Variants in ANK1 observed in about 807,000 individuals in gnomAD.
ANK1 encodes ankyrin-1.
ANK1 carries 51 observed loss-of-function variants against 210.4 expected under a neutral mutation model. The ratio of observed to expected loss-of-function variants is 0.24; its 90% confidence interval spans 0.19 to 0.31. The LOEUF (loss-of-function observed/expected upper bound fraction) is 0.31, where lower values mean the gene tolerates loss of function less well. Among genes scored for constraint, ANK1 ranks in the 10% least tolerant of loss-of-function variants. The pLI is 1.00. For synonymous variants in ANK1, 967 were observed against 1,025.9 expected, an observed-to-expected ratio of 0.94 and a Z score of 1.10; for missense variants, 2,051 against 2,504.4, an observed-to-expected ratio of 0.82 and a Z score of 3.86.
intron 37 of ANK1, among the ~76,000 whole-genome samples, chr8:41,673,199 T>C (rs1209977906): frequency 6.6e-6 from 1 of 152,168 alleles, no homozygotes; most frequent in East Asian, 1.9e-4. Context: ...AAGAGGAGAT[T>C]GGACTTTCTT....
intron 1 of ANK1, among the ~76,000 whole-genome samples, chr8:41,851,479 T>G (rs1811231094): frequency 2.0e-5 from 3 of 152,274 alleles, no homozygotes. Context: ...GACTGCTTCC[T>G]GCCCTTCCTG....
chr8:41,752,786 G>A (rs1011553095), intron 2 of ANK1, among the ~76,000 whole-genome samples: 1 of 106,082 alleles, frequency 9.4e-6, no homozygotes, highest in African/African-American at 3.2e-5. Flanking sequence ...CTGCGCTGCT[G>A]GGCACACACA....
chr8:41,746,318 T>C (rs1836123447), intron 2 of ANK1, among the ~76,000 whole-genome samples: 1 of 152,128 alleles, frequency 6.6e-6, no homozygotes, highest in South Asian at 2.1e-4. Context: ...GTAACCCTAG[T>C]GGAAAATCAC....
intron 2 of ANK1, among the ~76,000 whole-genome samples, chr8:41,740,721 T>C (rs1188780563): frequency 1.3e-5 from 2 of 152,224 alleles, no homozygotes; most frequent in African/African-American, 2.4e-5. Flanking sequence ...CAAATTAAGG[T>C]TCCTGAGTTG....
At position 41,875,709 on chromosome 8, in the gene ANK1, TAGA is replaced by T. The variant is rs144705851; in HGVS notation, c.126+20643_126+20645del. On this transcript the variant is annotated intron_variant, in intron 1 of 42. Coordinates refer to the ANK1 transcript ENST00000265709. ...AGCTGGGAAGCCTCCTTGCTGCTCG[TAGA>T]AGAACACGCTTTGCAGGGGGAGGAC... 8.6e-3 allele frequency among the ~76,000 whole-genome samples: 1,308 copies of T among 152,298 alleles called. 23 individuals are homozygous for T. The highest frequency in any genetic ancestry group is 0.028 in the African/African-American group (1,159 of 41,560).
chr8:41,704,428 G>C lies in ANK1; in HGVS notation c.2142C>G (p.Ile714Met). Reference sequence around the variant, plus strand: ...GCTGCAGCAGAAACTTCACCAGCTTGATGTTTCCATAGTGACTGGCCACAT... The same window carrying C: ...GCTGCAGCAGAAACTTCACCAGCTTCATGTTTCCATAGTGACTGGCCACAT... Reference protein sequence around the residue: ...PLHVASHYGNIKLVKFLLQHQ... With the variant: ...PLHVASHYGNMKLVKFLLQHQ... The change falls in exon 19 of 43, where the codon ATC (isoleucine) becomes ATG (methionine). Residue 714 changes from isoleucine to methionine, a missense_variant. Ile to Met is a conservative substitution (Grantham distance 10, BLOSUM62 1). Transcript: ENST00000289734. The surrounding 1 kb of genome is among the most constrained non-coding windows in gnomAD (Gnocchi z 4.1). 1 of 1,614,184 alleles carries C rather than the reference G, an allele frequency of 6.2e-7. No homozygotes were observed. Among genetic ancestry groups the C allele is most frequent in the Non-Finnish European group, 8.5e-7 (1 of 1,180,018 alleles).
intron 37 of ANK1, among the ~76,000 whole-genome samples, chr8:41,681,905 CT>C (rs1352349794): frequency 1.3e-5 from 2 of 152,330 alleles, no homozygotes; most frequent in Middle Eastern, 3.4e-3. Context: ...GGGCACAGAG[CT>C]GGGTCTACCG....
At chr8:41,838,991 C>G (rs1197315523) in intron 1 of ANK1, among the ~76,000 whole-genome samples, 2 of 151,912 alleles carry the variant, frequency 1.3e-5, no homozygotes, top group Admixed American at 1.3e-4. Context: ...GCAGGAGAAT[C>G]ACTTGAACCC....
intron 2 of ANK1, among the ~76,000 whole-genome samples, chr8:41,745,585 G>A (rs1835910198): frequency 6.6e-6 from 1 of 152,188 alleles, no homozygotes; most frequent in Non-Finnish European, 1.5e-5. Flanking sequence ...GAGGAGTGAT[G>A]TTGTGGGGGT....
chr8:41,702,894 A>G (rs1261459820), intron 20 of ANK1, among the ~76,000 whole-genome samples: 2 of 152,070 alleles, frequency 1.3e-5, no homozygotes, highest in Non-Finnish European at 2.9e-5. Context: ...ATCTAGGCTC[A>G]CTGTAACCTC....
intron 1 of ANK1, among the ~76,000 whole-genome samples, chr8:41,853,694 G>A (rs1159309128): frequency 6.6e-6 from 1 of 152,024 alleles, no homozygotes; most frequent in African/African-American, 2.4e-5. Context: ...ATAGAGGCTG[G>A]GCATTGGTGA....
At chr8:41,683,862 G>T (rs976436931) in intron 37 of ANK1, among the ~76,000 whole-genome samples, 1 of 152,174 alleles carries the variant, frequency 6.6e-6, no homozygotes, top group Non-Finnish European at 1.5e-5. Flanking sequence ...GGGGGCAGAG[G>T]TCACAGCCTC....
intron 20 of ANK1, among the ~76,000 whole-genome samples, chr8:41,702,815 G>A (rs982245837): frequency 1.3e-5 from 2 of 151,700 alleles, no homozygotes; most frequent in South Asian, 4.2e-4. Context: ...ATCTACAATC[G>A]AGTCCACTTT....
intron 1 of ANK1, among the ~76,000 whole-genome samples, chr8:41,826,059 C>A (rs181982773): frequency 1.4e-3 from 213 of 152,272 alleles, no homozygotes; most frequent in African/African-American, 4.6e-3. Context: ...AATTAACAAG[C>A]CTTTAGTCCT....
chr8:41,772,616 C>A (rs868191963), intron 1 of ANK1, among the ~76,000 whole-genome samples: 69 of 152,378 alleles, frequency 4.5e-4, no homozygotes, highest in Middle Eastern at 6.8e-3. Context: ...ACCCTGCACC[C>A]AGACCTCTTG....
At chr8:41,839,989 A>G (rs1488135462) in intron 1 of ANK1, 2 of 152,198 alleles carry the variant, frequency 1.3e-5, no homozygotes, top group African/African-American at 2.4e-5. Context: ...AGCTCTCTGT[A>G]CAAGCTTTGC....
chr8:41,719,973 T>G, intron 9 of ANK1, 115 bp from the exon 10 acceptor site: 1 of 1,269,358 alleles, frequency 7.9e-7, no homozygotes, highest in Non-Finnish European at 1.1e-6. Flanking sequence ...TTTCCACAAG[T>G]CTCTGGAGGG....
At position 41,719,636 on chromosome 8, in the gene ANK1, C is replaced by T. The variant is rs750264126; in HGVS notation, c.1107+25G>A. Reference sequence around the variant, plus strand: ...CCCAGCCTGCCCTGCCACTCTGCACCTTCTCCAGCAGCACCCCCACTCACC... The same window carrying T: ...CCCAGCCTGCCCTGCCACTCTGCACTTTCTCCAGCAGCACCCCCACTCACC... On this transcript the variant is annotated intron_variant, in intron 10 of 42. Transcript: ENST00000289734. 28 of 1,613,976 alleles carry T rather than the reference C, an allele frequency of 1.7e-5. No individual in the cohort carries two copies. The Admixed American group carries it at 3.0e-4, about 17-fold the overall frequency.
Position 41,759,454 on chromosome 8 carries a change from C to T in ANK1, c.28-1317G>A, listed in dbSNP as rs184706522. On this transcript the variant is annotated intron_variant, in intron 1 of 42. Transcript: ENST00000289734. The stretch of plus-strand genomic sequence containing the variant: ...CCGGGAGGTGGAGGTTGCAGTGAGC[C>T]GAGATCGCACCACTCCACTCCAGCC... 7.2e-5 allele frequency among the ~76,000 whole-genome samples: 11 copies of T among 152,102 alleles called. No individual in the cohort carries two copies. In the East Asian group the frequency reaches 1.7e-3, roughly 24 times the overall value.
Sources: gnomAD v4.1 joint callset for allele counts (sites outside exome capture counted in the v4.1 genomes callset) on GRCh38, gnomAD v4.1.1 for gene constraint, Gnocchi (gnomAD v3.1) non-coding constraint, MANE v1.5 for transcripts, NCBI Gene and HGNC (gene_info 2026-07-23, HGNC 2026-07-21) for gene names.